Variants in ARHGEF3 observed in about 807,000 individuals in gnomAD.
ARHGEF3 encodes the protein Rho guanine nucleotide exchange factor 3.
In ARHGEF3, 28 loss-of-function variants were observed where a neutral mutation model predicts 63.2. That is an observed-to-expected ratio of 0.44 (90% confidence interval 0.33 to 0.61). The LOEUF (loss-of-function observed/expected upper bound fraction) is 0.61. Ranked by LOEUF, ARHGEF3 falls within the 20% of genes least tolerant of loss-of-function variation. The pLI, the probability that ARHGEF3 is intolerant of heterozygous loss-of-function variation, is 0.03. For synonymous variants in ARHGEF3, 266 were observed against 254.2 expected, an observed-to-expected ratio of 1.05 and a Z score of -0.44; for missense variants, 533 against 659.3, an observed-to-expected ratio of 0.81 and a Z score of 2.10.
At chr3:56,950,781 A>G (rs1210255950) in intron 3 of ARHGEF3, among the ~76,000 whole-genome samples, 1 of 152,036 alleles carries the variant, frequency 6.6e-6, no homozygotes, top group South Asian at 2.1e-4. Context: ...ATTACTGGGT[A>G]TATACCCAAA....
chr3:56,748,528 C>T (rs2034533070), intron 6 of ARHGEF3, among the ~76,000 whole-genome samples: 1 of 147,664 alleles, frequency 6.8e-6, no homozygotes, highest in Admixed American at 7.0e-5. Flanking sequence ...CTTTTATCCC[C>T]CTAATATTGT....
At chr3:56,826,850 AC>A (rs1453561834) in intron 4 of ARHGEF3, among the ~76,000 whole-genome samples, 2 of 152,272 alleles carry the variant, frequency 1.3e-5, no homozygotes, top group Non-Finnish European at 2.9e-5. Context: ...AAAATTCACT[AC>A]CCCAAATATT....
At chr3:56,901,181 G>A (rs1006949210) in intron 3 of ARHGEF3, among the ~76,000 whole-genome samples, 2 of 152,150 alleles carry the variant, frequency 1.3e-5, no homozygotes, top group Non-Finnish European at 2.9e-5. Flanking sequence ...ATAGACCAGT[G>A]CATGGCAAAA....
chr3:56,945,216 C>T (rs868855235), intron 3 of ARHGEF3, among the ~76,000 whole-genome samples: 1 of 152,104 alleles, frequency 6.6e-6, no homozygotes, highest in East Asian at 1.9e-4. Flanking sequence ...GTGATTTCTG[C>T]GTTTCCAACT....
chr3:57,060,286 G>A (rs1705151240), intron 1 of ARHGEF3, among the ~76,000 whole-genome samples: 1 of 143,076 alleles, frequency 7.0e-6, no homozygotes, highest in African/African-American at 2.6e-5. Flanking sequence ...GGGCGACAGA[G>A]CTGAGATTCT....
intron 4 of ARHGEF3, among the ~76,000 whole-genome samples, chr3:56,808,626 A>G (rs1160839522): frequency 6.7e-6 from 1 of 148,672 alleles, no homozygotes; most frequent in East Asian, 1.9e-4. Context: ...ATAAAAAATT[A>G]GCTATGAAAT....
At chr3:56,827,020 G>A (rs1297280104) in intron 4 of ARHGEF3, among the ~76,000 whole-genome samples, 1 of 152,072 alleles carries the variant, frequency 6.6e-6, no homozygotes, top group Admixed American at 6.5e-5. Context: ...TAAAAGAGAA[G>A]AAGATGGGCC....
At chr3:57,029,216 A>C (rs1192314474) in intron 2 of ARHGEF3, among the ~76,000 whole-genome samples, 7 of 152,160 alleles carry the variant, frequency 4.6e-5, no homozygotes, top group African/African-American at 1.7e-4. Context: ...AGATCACCTG[A>C]GGTCGGGAGT....
chr3:56,813,801 A>C (rs1242308259), intron 4 of ARHGEF3, among the ~76,000 whole-genome samples: 3 of 152,128 alleles, frequency 2.0e-5, no homozygotes. Flanking sequence ...AGGTGCCATC[A>C]CGTTTCCTGA....
chr3:56,753,357 T>G (rs2034885385), intron 4 of ARHGEF3, 147 bp downstream of exon 4: 2 of 683,096 alleles, frequency 2.9e-6, no homozygotes, highest in African/African-American at 3.6e-5. Context: ...CCTCTTGTTT[T>G]GAAACACTTT....
intron 3 of ARHGEF3, among the ~76,000 whole-genome samples, chr3:56,895,194 C>A: frequency 6.6e-6 from 1 of 152,094 alleles, no homozygotes; most frequent in East Asian, 1.9e-4. Context: ...TCTTTCCAGG[C>A]GCTGCATCAG....
chr3:56,910,837 T>C (rs769758695), intron 3 of ARHGEF3, among the ~76,000 whole-genome samples: 3 of 152,166 alleles, frequency 2.0e-5, no homozygotes, highest in Non-Finnish European at 4.4e-5. Flanking sequence ...GATAAGCTGT[T>C]TGAAGCGCTT....
At chr3:56,997,197 C>T (rs1702028650) in intron 2 of ARHGEF3, among the ~76,000 whole-genome samples, 1 of 152,090 alleles carries the variant, frequency 6.6e-6, no homozygotes, top group Admixed American at 6.5e-5. Flanking sequence ...ATGACCCAGC[C>T]CCAGGGCCAT....
intron 1 of ARHGEF3, chr3:56,774,910 C>A: frequency 8.8e-7 from 1 of 1,132,286 alleles, no homozygotes; most frequent in Non-Finnish European, 1.2e-6. Flanking sequence ...AACAAACAAA[C>A]AAACAACAAC....
intron 4 of ARHGEF3, among the ~76,000 whole-genome samples, chr3:56,857,367 G>A (rs1351410964): frequency 6.6e-6 from 1 of 152,106 alleles, no homozygotes; most frequent in Non-Finnish European, 1.5e-5. Flanking sequence ...ATTGACCCAG[G>A]GACAAGCATG....
rs118025940 is a variant in ARHGEF3, at chr3:56,955,599, T to C, written c.129+3224A>G. On this transcript the variant is annotated intron_variant, in intron 3 of 12. Coordinates refer to the ARHGEF3 transcript ENST00000338458. ...CATAAATGTGGAAAATTTGCTAGCA[T>C]AGAGATTCTGAAACCTCCCTTTCTA... is the stretch of plus-strand genomic sequence containing the variant. Among the ~76,000 whole-genome samples the C allele has an allele frequency of 3.5e-4, 53 of 152,328 alleles. No homozygotes were observed. In the East Asian group the frequency reaches 9.3e-3, roughly 27 times the overall value.
chr3:57,000,124 G>A (rs573067385), intron 2 of ARHGEF3, among the ~76,000 whole-genome samples: 4 of 152,200 alleles, frequency 2.6e-5, no homozygotes, highest in East Asian at 1.9e-4. Flanking sequence ...ATGCTTGCCC[G>A]AGTGCCTGGC....
intron 3 of ARHGEF3, among the ~76,000 whole-genome samples, chr3:56,945,453 G>C (rs1342975735): frequency 6.6e-6 from 1 of 152,156 alleles, no homozygotes; most frequent in Admixed American, 6.5e-5. Flanking sequence ...TTAGCAAATG[G>C]CACACCAGGA....
chr3:56,960,013 A>T (rs1345886767), intron 2 of ARHGEF3, among the ~76,000 whole-genome samples: 1 of 152,188 alleles, frequency 6.6e-6, no homozygotes, highest in Admixed American at 6.5e-5. Context: ...GTTACACAAT[A>T]GTCACTTTTA....
Sources: allele counts gnomAD v4.1 joint callset (sites outside exome capture counted in the v4.1 genomes callset), GRCh38; gene constraint gnomAD v4.1.1; transcripts MANE v1.5; gene names NCBI Gene and HGNC (gene_info 2026-07-23, HGNC 2026-07-21).